Variants in TRPM3 observed in about 807,000 individuals in gnomAD.
The protein encoded by TRPM3 is long transient receptor potential channel 3.
Under a neutral mutation model 181.2 loss-of-function variants are expected in TRPM3, and 77 were observed. That is an observed-to-expected ratio of 0.42 (90% confidence interval 0.35 to 0.51). The LOEUF (loss-of-function observed/expected upper bound fraction) is 0.51. Ranked by LOEUF, TRPM3 falls within the 20% of genes least tolerant of loss-of-function variation. The pLI is 0.01. For missense variants in TRPM3, 1,759 were observed against 2,196.7 expected (o/e 0.80, Z 3.98); for synonymous variants, 745 against 796.4 (o/e 0.94, Z 1.09).
intron 1 of TRPM3, among the ~76,000 whole-genome samples, chr9:70,948,040 G>A (rs1221886810): frequency 6.6e-6 from 1 of 150,500 alleles, no homozygotes; most frequent in Non-Finnish European, 1.5e-5. Flanking sequence ...TCCTTAACTT[G>A]ATTTTATAAA....
chr9:71,133,526 C>CA (rs2074510320), intron 1 of TRPM3, among the ~76,000 whole-genome samples: 2 of 90,558 alleles, frequency 2.2e-5, no homozygotes, highest in South Asian at 3.6e-4. Context: ...CTAGAACTCC[C>CA]AACTTAGGTG....
intron 22 of TRPM3, among the ~76,000 whole-genome samples, chr9:70,585,799 T>G (rs532040004): frequency 6.6e-6 from 1 of 152,170 alleles, no homozygotes; most frequent in Admixed American, 6.5e-5. Context: ...ACCCCTCTTA[T>G]GGACTTTCCA....
At chr9:71,370,443 T>G (rs1333276049) in intron 1 of TRPM3, among the ~76,000 whole-genome samples, 1 of 152,102 alleles carries the variant, frequency 6.6e-6, no homozygotes, top group Non-Finnish European at 1.5e-5. Flanking sequence ...ACAGCCTTGT[T>G]GCTGATATGG....
intron 1 of TRPM3, among the ~76,000 whole-genome samples, chr9:71,172,321 TAAAACAAAC>T (rs1014915739): frequency 6.6e-6 from 1 of 152,194 alleles, no homozygotes; most frequent in Non-Finnish European, 1.5e-5. Flanking sequence ...AGGAACTTGT[TAAAACAAAC>T]AAAACAAACA....
intron 1 of TRPM3, among the ~76,000 whole-genome samples, chr9:70,940,474 C>T (rs565756112): frequency 6.6e-6 from 1 of 152,256 alleles, no homozygotes; most frequent in East Asian, 1.9e-4. Flanking sequence ...TTCATCGATT[C>T]AAATATTCCT....
chr9:70,884,166 T>A (rs1293379288), intron 1 of TRPM3, among the ~76,000 whole-genome samples: 1 of 152,194 alleles, frequency 6.6e-6, no homozygotes, highest in Admixed American at 6.5e-5. Context: ...TTTATAACAA[T>A]CCCTTCCAGG....
At chr9:71,075,542 C>T (rs2063340478) in intron 1 of TRPM3, among the ~76,000 whole-genome samples, 1 of 152,114 alleles carries the variant, frequency 6.6e-6, no homozygotes, top group Non-Finnish European at 1.5e-5. Flanking sequence ...CTCTCCTGTG[C>T]TATTTGGTAG....
At chr9:70,663,486 A>G (rs1237129074) in intron 9 of TRPM3, among the ~76,000 whole-genome samples, 1 of 152,158 alleles carries the variant, frequency 6.6e-6, no homozygotes, top group East Asian at 1.9e-4. Flanking sequence ...TGGTTATAAT[A>G]ATTTATCAGA....
intron 1 of TRPM3, among the ~76,000 whole-genome samples, chr9:71,215,773 A>C (rs1024832833): frequency 7.9e-5 from 12 of 152,190 alleles, no homozygotes; most frequent in Non-Finnish European, 1.6e-4. Flanking sequence ...GCACTTGCTC[A>C]TTTACTGCTT....
chr9:71,384,569 T>C (rs1176093777), intron 1 of TRPM3, among the ~76,000 whole-genome samples: 1 of 152,206 alleles, frequency 6.6e-6, no homozygotes, highest in Non-Finnish European at 1.5e-5. Flanking sequence ...AAAATTCCGT[T>C]GTTGCCATGG....
At chr9:71,126,971 G>T (rs1443384433) in intron 1 of TRPM3, among the ~76,000 whole-genome samples, 1 of 151,780 alleles carries the variant, frequency 6.6e-6, no homozygotes, top group Non-Finnish European at 1.5e-5. Flanking sequence ...AATGTATAAG[G>T]ATACTTAACA....
At chr9:71,034,349 C>T (rs113512050) in intron 1 of TRPM3, among the ~76,000 whole-genome samples, 2,082 of 152,144 alleles carry the variant, frequency 0.014, 35 homozygotes, top group African/African-American at 0.048. Context: ...TTAAATTGAG[C>T]TTATTCCCAA....
At chr9:71,171,791 C>T (rs184133222) in intron 1 of TRPM3, among the ~76,000 whole-genome samples, 15 of 152,286 alleles carry the variant, frequency 9.8e-5, no homozygotes, top group African/African-American at 2.6e-4. Flanking sequence ...TGGAAGTAAA[C>T]GGCTCCTGCA....
chr9:71,129,878 C>T (rs889822592), intron 1 of TRPM3, among the ~76,000 whole-genome samples: 1 of 152,150 alleles, frequency 6.6e-6, no homozygotes, highest in Non-Finnish European at 1.5e-5. Context: ...ACTTCCATAT[C>T]CCTTTCCCTA....
rs115295980 is a variant in TRPM3, at chr9:71,075,089, T to C, written c.177+46089A>G. 3.5e-3 allele frequency among the ~76,000 whole-genome samples: 537 copies of C among 152,264 alleles called. 3 individuals carry two copies. The highest frequency in any genetic ancestry group is 0.012 in the African/African-American group (496 of 41,568). On this transcript the variant is annotated intron_variant, in intron 1 of 25. Transcript: ENST00000677713. ...TCATTGACTTCTAGTCATTCCACAATGACTACATTGCACTTGTTTTGTTTT... is the reference window on the plus strand; with the variant it reads ...TCATTGACTTCTAGTCATTCCACAACGACTACATTGCACTTGTTTTGTTTT...
At chr9:71,009,428 A>C (rs961680402) in intron 1 of TRPM3, among the ~76,000 whole-genome samples, 1 of 152,202 alleles carries the variant, frequency 6.6e-6, no homozygotes, top group Non-Finnish European at 1.5e-5. Context: ...AAAATCATTA[A>C]AATTTCTATA....
chr9:71,127,316 C>CACACACACACACACACACA (rs1565253257), intron 1 of TRPM3, among the ~76,000 whole-genome samples: 10 of 149,298 alleles, frequency 6.7e-5, no homozygotes, highest in Non-Finnish European at 7.5e-5. Context: ...CACACACACA[C>CACACACACACACACACACA]CCCTGAACTG....
At chr9:70,889,789 C>G (rs1231099688) in intron 1 of TRPM3, among the ~76,000 whole-genome samples, 1 of 151,666 alleles carries the variant, frequency 6.6e-6, no homozygotes, top group Non-Finnish European at 1.5e-5. Flanking sequence ...TTAAGGAAAG[C>G]CTCTACCATG....
At chr9:70,674,724 A>ATTTTTTTTTTTTTTTT (rs67630432) in intron 9 of TRPM3, among the ~76,000 whole-genome samples, 1 of 97,892 alleles carries the variant, frequency 1.0e-5, no homozygotes, top group Non-Finnish European at 1.9e-5. Flanking sequence ...TATTCAGGCT[A>ATTTTTTTTTTTTTTTT]TTTTTTTTTT....
Sources: allele counts gnomAD v4.1 joint callset (sites outside exome capture counted in the v4.1 genomes callset), GRCh38; gene constraint gnomAD v4.1.1; transcripts MANE v1.5; gene names NCBI Gene and HGNC (gene_info 2026-07-23, HGNC 2026-07-21).